Variants in ACBD6 observed in about 807,000 individuals in gnomAD.
ACBD6 encodes acyl-CoA binding domain containing 6.
A neutral mutation model predicts 37.2 loss-of-function variants in ACBD6; 28 were observed. That is an observed-to-expected ratio of 0.75 (90% confidence interval 0.56 to 1.03). ACBD6 has a LOEUF of 1.03. Among genes scored for constraint, ACBD6 ranks in the 50% least tolerant of loss-of-function variants. ACBD6 has a pLI of 0.00. For synonymous variants in ACBD6, 113 were observed against 126.8 expected (o/e 0.89, Z 0.73); for missense variants, 340 against 337.4 (o/e 1.01, Z -0.06).
intron 6 of ACBD6, among the ~76,000 whole-genome samples, chr1:180,321,542 C>T (rs543479917): frequency 6.6e-6 from 1 of 152,060 alleles, no homozygotes; most frequent in Non-Finnish European, 1.5e-5. Flanking sequence ...TCTGTGGCTA[C>T]TGTAAATGGA....
intron 5 of ACBD6, among the ~76,000 whole-genome samples, chr1:180,398,055 AAACTAC>A (rs1187425708): frequency 2.1e-3 from 167 of 80,050 alleles, no homozygotes; most frequent in African/African-American, 6.2e-3. Flanking sequence ...TCCATCTCAA[AAACTAC>A]AACAACAACA....
At chr1:180,334,329 C>T (rs1013959532) in intron 6 of ACBD6, among the ~76,000 whole-genome samples, 10 of 152,272 alleles carry the variant, frequency 6.6e-5, no homozygotes, top group East Asian at 1.9e-4. Flanking sequence ...TCCAGAGGAA[C>T]GATCAGGCAG....
chr1:180,447,504 T>C (rs926686359), intron 3 of ACBD6, among the ~76,000 whole-genome samples: 6 of 152,174 alleles, frequency 3.9e-5, no homozygotes, highest in Non-Finnish European at 8.8e-5. Flanking sequence ...TCAATTGTCT[T>C]GGTTCCAGCA....
At chr1:180,304,607 T>G (rs1186172435) in intron 7 of ACBD6, among the ~76,000 whole-genome samples, 5 of 150,472 alleles carry the variant, frequency 3.3e-5, no homozygotes, top group Non-Finnish European at 5.9e-5. Flanking sequence ...TAAAAGAGGA[T>G]ACAAACAAAT....
At chr1:180,476,739 T>C (rs1233593343) in intron 3 of ACBD6, among the ~76,000 whole-genome samples, 3 of 152,008 alleles carry the variant, frequency 2.0e-5, no homozygotes, top group South Asian at 2.1e-4. Context: ...GGCAGGAGAA[T>C]TGCTTGAACC....
intron 1 of ACBD6, among the ~76,000 whole-genome samples, chr1:180,497,381 T>C (rs1193332436): frequency 6.6e-6 from 1 of 152,178 alleles, no homozygotes; most frequent in East Asian, 1.9e-4. Context: ...TGTCTTCCCC[T>C]TTCCCTTTGC....
intron 3 of ACBD6, among the ~76,000 whole-genome samples, chr1:180,476,273 G>A (rs866768612): frequency 1.5e-4 from 23 of 152,282 alleles, no homozygotes; most frequent in African/African-American, 2.2e-4. Context: ...CATTTATGCC[G>A]GAGGTTGAAA....
chr1:180,437,228 G>A (rs1383492648), intron 3 of ACBD6, among the ~76,000 whole-genome samples: 1 of 152,188 alleles, frequency 6.6e-6, no homozygotes, highest in Non-Finnish European at 1.5e-5. Flanking sequence ...CCAGAACTCA[G>A]TTGAACCCAA....
intron 6 of ACBD6, among the ~76,000 whole-genome samples, chr1:180,365,765 T>C (rs559250209): frequency 6.6e-6 from 1 of 152,340 alleles, no homozygotes; most frequent in South Asian, 2.1e-4. Context: ...TCTATACATG[T>C]ATACATGCAT....
At chr1:180,385,672 G>T (rs1653821303) in intron 6 of ACBD6, among the ~76,000 whole-genome samples, 1 of 152,004 alleles carries the variant, frequency 6.6e-6, no homozygotes, top group Non-Finnish European at 1.5e-5. Context: ...ACAGAGGAAA[G>T]GCCCGTGAGG....
intron 3 of ACBD6, among the ~76,000 whole-genome samples, chr1:180,437,648 T>C (rs1649099917): frequency 6.6e-6 from 1 of 152,208 alleles, no homozygotes; most frequent in Non-Finnish European, 1.5e-5. Context: ...TTCAGCAAAG[T>C]TGCAGGATAC....
intron 3 of ACBD6, among the ~76,000 whole-genome samples, chr1:180,486,015 T>C (rs1312368804): frequency 6.6e-6 from 1 of 151,922 alleles, no homozygotes; most frequent in African/African-American, 2.4e-5. Context: ...TAAACTGATA[T>C]AAATACATGA....
intron 4 of ACBD6, among the ~76,000 whole-genome samples, 180 bp downstream of exon 4, chr1:180,430,000 G>T (rs1186664528): frequency 6.6e-6 from 1 of 152,070 alleles, no homozygotes; most frequent in Admixed American, 6.5e-5. Flanking sequence ...GTCATTTATT[G>T]TCCTGCTGGC....
chr1:180,373,052 C>T (rs879325269), intron 6 of ACBD6, among the ~76,000 whole-genome samples: 18 of 152,130 alleles, frequency 1.2e-4, no homozygotes, highest in Admixed American at 1.2e-3. Context: ...TTAGAATTAG[C>T]TAGGCCGAGA....
At chr1:180,478,793 C>T (rs1380176338) in intron 3 of ACBD6, among the ~76,000 whole-genome samples, 2 of 151,956 alleles carry the variant, frequency 1.3e-5, no homozygotes, top group Admixed American at 6.6e-5. Context: ...CTATAAATCC[C>T]TTTTTTAAAA....
At chr1:180,325,107 C>T (rs1290529998) in intron 6 of ACBD6, among the ~76,000 whole-genome samples, 1 of 152,060 alleles carries the variant, frequency 6.6e-6, no homozygotes, top group African/African-American at 2.4e-5. Context: ...TGTTCTATAA[C>T]CTTCTTGTGC....
At chr1:180,347,425 C>A (rs1009973416) in intron 6 of ACBD6, among the ~76,000 whole-genome samples, 2 of 126,752 alleles carry the variant, frequency 1.6e-5, no homozygotes, top group Admixed American at 2.0e-4. Flanking sequence ...AGTAAAGTGG[C>A]GTGATCTTGG....
chr1:180,502,093 C>G lies in ACBD6; in HGVS notation c.174G>C (p.Gln58His), dbSNP rs755018650. 1 of 1,613,854 alleles carries G rather than the reference C, an allele frequency of 6.2e-7. No homozygotes were observed. Among genetic ancestry groups the G allele is most frequent in the Admixed American group, 1.7e-5 (1 of 59,998 alleles). Reference sequence around the variant, plus strand: ...ACAAGAGCTGCTCCCTGCTGGCCACCTGAATCAGGCCTTGCAGGTGCGCGG... The same window carrying G: ...ACAAGAGCTGCTCCCTGCTGGCCACGTGAATCAGGCCTTGCAGGTGCGCGG... ...KAAAHLQGLI[Q>H]VASREQLLYL... is the part of the protein sequence containing the mutation. Residue 58 changes from glutamine to histidine, a missense_variant, in exon 1 of 8, where the codon CAG becomes CAC. Transcript: ENST00000367595.
intron 6 of ACBD6, among the ~76,000 whole-genome samples, chr1:180,341,029 A>C (rs1409074122): frequency 6.6e-6 from 1 of 152,112 alleles, no homozygotes. Context: ...ACATGGAGTG[A>C]GCATGGTTGT....
Sources: allele counts gnomAD v4.1 joint callset (sites outside exome capture counted in the v4.1 genomes callset), GRCh38; gene constraint gnomAD v4.1.1; transcripts MANE v1.5; gene names NCBI Gene and HGNC (gene_info 2026-07-23, HGNC 2026-07-21).